IL21: variants seen among roughly 807,000 people sequenced by gnomAD.
IL21 encodes interleukin-21.
In IL21, 3 loss-of-function variants were observed where a neutral mutation model predicts 18.4. The observed-to-expected ratio is 0.16, with a 90% CI of 0.07 to 0.42. The LOEUF (loss-of-function observed/expected upper bound fraction) is 0.42. IL21 is among the 10% of genes least tolerant of loss of function. The pLI, the probability that IL21 is intolerant of heterozygous loss-of-function variation, is 0.99. For synonymous variants in IL21, 37 were observed against 62.0 expected, an observed-to-expected ratio of 0.60 and a Z score of 1.90; for missense variants, 130 against 188.4, an observed-to-expected ratio of 0.69 and a Z score of 1.81.
Position 122,615,846 on chromosome 4 carries a change from T to A in IL21, c.205-9A>T. The A allele has an allele frequency of 6.2e-7, 1 of 1,600,742 alleles. No homozygotes were observed. Among genetic ancestry groups the A allele is most frequent in the Non-Finnish European group, 8.5e-7 (1 of 1,173,494 alleles). On this transcript the variant is annotated splice_polypyrimidine_tract_variant and intron_variant, in intron 2 of 4. Transcript: ENST00000648588. ...GACCACTCACAGTTTGTCTGAAAGA[T>A]AAACAATTTGTATATATGTTAACAA...
At chr4:122,613,030 A>C (rs1799283505) in intron 3 of IL21, 102 bp from the exon 4 acceptor site, 1 of 686,812 alleles carries the variant, frequency 1.5e-6, no homozygotes, top group Non-Finnish European at 2.4e-6. Context: ...ATGTTCACTG[A>C]AAAACATTCG....
intron 3 of IL21, among the ~76,000 whole-genome samples, chr4:122,614,624 T>C (rs1799312143): frequency 6.6e-6 from 1 of 152,022 alleles, no homozygotes; most frequent in Non-Finnish European, 1.5e-5. Flanking sequence ...GGAGAATTGC[T>C]TGAACTGGGA....
Sources: allele counts gnomAD v4.1 joint callset (sites outside exome capture counted in the v4.1 genomes callset), GRCh38; gene constraint gnomAD v4.1.1; transcripts MANE v1.5; gene names NCBI Gene and HGNC (gene_info 2026-07-23, HGNC 2026-07-21).